DNAH1: variants seen among roughly 807,000 people sequenced by gnomAD.
The protein encoded by DNAH1 is axonemal beta dynein heavy chain 1.
DNAH1 carries 327 observed loss-of-function variants against 484.3 expected under a neutral mutation model. The observed-to-expected ratio is 0.68, with a 90% CI of 0.62 to 0.74. The LOEUF is 0.74. Ranked by LOEUF, DNAH1 falls within the 30% of genes least tolerant of loss-of-function variation. The pLI is 0.00. For synonymous variants in DNAH1, 2,192 were observed against 2,191.9 expected (o/e 1.00, Z 0.00); for missense variants, 5,052 against 5,546.8 (o/e 0.91, Z 2.83).
chr3:52,393,245 T>C (rs1248004430), intron 65 of DNAH1, 89 bp from the exon 66 acceptor site: 2 of 1,581,086 alleles, frequency 1.3e-6, no homozygotes, highest in Admixed American at 3.4e-5. Flanking sequence ...CCCCTACGGC[T>C]GCTGGGGAGA....
At chr3:52,367,800 C>T (rs1317552926) in intron 36 of DNAH1, among the ~76,000 whole-genome samples, 1 of 152,176 alleles carries the variant, frequency 6.6e-6, no homozygotes, top group African/African-American at 2.4e-5. Context: ...CTCGAACTCC[C>T]TACCTCAGGT....
chr3:52,392,731 C>T (rs753620837), intron 64 of DNAH1, 42 bp downstream of exon 64: 22 of 1,567,422 alleles, frequency 1.4e-5, no homozygotes, highest in South Asian at 4.6e-5. Context: ...GGGAGTGCCC[C>T]GGGCCTGCCC....
At chr3:52,370,900 G>A (rs998037816) in intron 41 of DNAH1, 75 bp downstream of exon 41, 23 of 1,433,338 alleles carry the variant, frequency 1.6e-5, no homozygotes, top group Non-Finnish European at 2.1e-5. Flanking sequence ...ATGAATTATG[G>A]CCACACAGGG....
chr3:52,374,918 AG>A (rs1703517117), intron 44 of DNAH1: 1 of 804,720 alleles, frequency 1.2e-6, no homozygotes, highest in Non-Finnish European at 2.0e-6. Flanking sequence ...GAAAACGTCC[AG>A]GGTTACTTGA....
Position 52,347,828 on chromosome 3 carries a change from C to G in DNAH1, c.1960C>G (p.Arg654Gly), listed in dbSNP as rs755225053. 2 of 1,586,366 alleles carry G rather than the reference C, an allele frequency of 1.3e-6. No homozygotes were observed. Among genetic ancestry groups the G allele is most frequent in the African/African-American group, 1.3e-5 (1 of 74,458 alleles). The part of the protein sequence containing the change: ...DDLINSPYRP[R>G]KNPLFIMDLV... ...TCAGCTCGCCATTGCCTGCAGGCCCCGGAAGAATCCCCTGTTCATCATGGA... is the reference window on the plus strand; with the variant it reads ...TCAGCTCGCCATTGCCTGCAGGCCCGGGAAGAATCCCCTGTTCATCATGGA... The change falls in exon 12 of 78, where the codon CGG becomes GGG. Residue 654 changes from arginine (R) to glycine (G), a missense_variant. Arg to Gly is a moderately radical substitution (Grantham distance 125). Around this residue, in one of 4 missense-constraint regions of DNAH1, gnomAD observed 1,263 missense variants for 1,218.8 expected, o/e 1.04. Coordinates refer to ENST00000420323, the MANE Select transcript of DNAH1 (RefSeq NM_015512.5).
intron 7 of DNAH1, among the ~76,000 whole-genome samples, chr3:52,331,734 C>T (rs550855462): frequency 3.9e-4 from 58 of 148,266 alleles, no homozygotes; most frequent in African/African-American, 1.3e-3. Context: ...AAGTGATTCT[C>T]GTGCCTCAGT....
intron 35 of DNAH1, 76 bp downstream of exon 35, chr3:52,366,624 C>A: frequency 6.4e-7 from 1 of 1,552,722 alleles, no homozygotes; most frequent in South Asian, 1.2e-5. Context: ...CAGGGGTTGG[C>A]CTCCATTTGT....
In DNAH1 at chr3:52,368,922, C is replaced by A; in HGVS notation, c.5943+4C>A. 6.2e-7 allele frequency: 1 copy of A among 1,610,464 alleles called. No homozygotes were observed. Among genetic ancestry groups the A allele is most frequent in the Non-Finnish European group, 8.5e-7 (1 of 1,176,972 alleles). ...GGAGATCATCAAGCTCACAGAGGTG[C>A]ACCTACCTGTCCACCTGCCCACTCT... On this transcript the variant is annotated splice_donor_region_variant and intron_variant, in intron 37 of 77. Transcript: ENST00000420323. This position sits in a 1 kb window ranked among gnomAD's most constrained non-coding sequence, Gnocchi z 4.4.
the DNAH1 span, among the ~76,000 whole-genome samples, chr3:52,311,113 G>T: frequency 2.6e-5 from 4 of 152,212 alleles, no homozygotes; most frequent in African/African-American, 9.6e-5. Flanking sequence ...CCTGAGGGAG[G>T]ATGACGGAGG....
intron 8 of DNAH1, among the ~76,000 whole-genome samples, chr3:52,341,530 CTTTTTTTTTT>C (rs55645528): frequency 9.9e-6 from 1 of 101,174 alleles, no homozygotes; most frequent in Admixed American, 1.0e-4. Flanking sequence ...TTGACTTTGA[CTTTTTTTTTT>C]TTTTTTTTTT....
chr3:52,384,133 C>T (rs573327918), intron 52 of DNAH1, 102 bp downstream of exon 52: 6 of 1,241,762 alleles, frequency 4.8e-6, no homozygotes, highest in East Asian at 2.6e-5. Context: ...GGCCCACCAC[C>T]GAGGGTAAGC....
chr3:52,336,593 C>A (rs1701750763), intron 8 of DNAH1, among the ~76,000 whole-genome samples: 1 of 152,088 alleles, frequency 6.6e-6, no homozygotes, highest in Admixed American at 6.5e-5. Flanking sequence ...GTAATCCATC[C>A]TGAGTTAATT....
intron 34 of DNAH1, among the ~76,000 whole-genome samples, chr3:52,365,458 C>A (rs981437433): frequency 2.0e-5 from 3 of 152,236 alleles, no homozygotes; most frequent in East Asian, 1.9e-4. Flanking sequence ...TTGAGTGACA[C>A]CCCTGGCGTC....
intron 63 of DNAH1, among the ~76,000 whole-genome samples, chr3:52,391,964 C>G (rs994617393): frequency 5.9e-5 from 9 of 152,178 alleles, no homozygotes; most frequent in Non-Finnish European, 1.3e-4. Flanking sequence ...GTCGGGCACA[C>G]TCTGGCTCTT....
intron 3 of DNAH1, among the ~76,000 whole-genome samples, chr3:52,325,074 T>C (rs1173198158): frequency 1.3e-5 from 2 of 152,198 alleles, no homozygotes; most frequent in Non-Finnish European, 2.9e-5. Context: ...ATTAGGGCTC[T>C]GAAAACAGCC....
chr3:52,373,868 G>T (rs962378799), intron 44 of DNAH1: 44 of 1,404,618 alleles, frequency 3.1e-5, no homozygotes, highest in Middle Eastern at 3.5e-4. Context: ...CAGTTAACAT[G>T]TTTCGAATAT....
Position 52,392,825 on chromosome 3 carries a change from C to A in DNAH1, c.10279-5C>A. The A allele has an allele frequency of 6.9e-7, 1 of 1,452,386 alleles. No homozygotes were observed. Among genetic ancestry groups the A allele is most frequent in the Non-Finnish European group, 9.5e-7 (1 of 1,048,456 alleles). The allele number at this position is 1,452,386 out of a possible 1,614,324, so 90.0% of individuals were successfully genotyped here. A position where few individuals can be genotyped will look rare whatever the true frequency, so the allele number is the denominator to read the frequency against. The stretch of plus-strand genomic sequence containing the variant: ...GACCCCTCCCCCCACCCACTACACC[C>A]ACAGGCCAAAGTCAGGATTGCAGAG... On this transcript the variant is annotated splice_region_variant and splice_polypyrimidine_tract_variant and intron_variant, in intron 64 of 77. Coordinates refer to ENST00000420323, the MANE Select transcript of DNAH1 (RefSeq NM_015512.5).
intron 8 of DNAH1, among the ~76,000 whole-genome samples, chr3:52,339,544 C>G (rs1428930536): frequency 6.6e-6 from 1 of 152,044 alleles, no homozygotes; most frequent in African/African-American, 2.4e-5. Context: ...TTACAGTTTT[C>G]TTCTGCTTGG....
At chr3:52,327,026 C>G in intron 5 of DNAH1, 135 bp downstream of exon 5, 1 of 1,219,010 alleles carries the variant, frequency 8.2e-7, no homozygotes, top group Non-Finnish European at 1.1e-6. Context: ...GGCAGGTCAA[C>G]AATAGGAACC....
Sources: gnomAD v4.1 joint callset for allele counts (sites outside exome capture counted in the v4.1 genomes callset) on GRCh38, gnomAD v4.1.1 for gene constraint, gnomAD v4.1.1 regional missense constraint, Gnocchi (gnomAD v3.1) non-coding constraint, MANE v1.5 for transcripts, NCBI Gene and HGNC (gene_info 2026-07-23, HGNC 2026-07-21) for gene names.